The following CPNE3 variants were observed in gnomAD, a reference collection of about 807,000 sequenced individuals.
The protein encoded by CPNE3 is copine-3.
Under a neutral mutation model 63.9 loss-of-function variants are expected in CPNE3, and 68 were observed. The observed-to-expected ratio is 1.06, with a 90% CI of 0.87 to 1.30. The LOEUF (loss-of-function observed/expected upper bound fraction) is 1.30, where lower values mean the gene tolerates loss of function less well. Ranked by LOEUF, CPNE3 falls within the 50% of genes most tolerant of loss-of-function variation. The pLI, the probability that CPNE3 is intolerant of heterozygous loss-of-function variation, is 0.00. For missense variants in CPNE3, 665 were observed against 578.1 expected, an observed-to-expected ratio of 1.15 and a Z score of -1.54; for synonymous variants, 219 against 197.5, an observed-to-expected ratio of 1.11 and a Z score of -0.91.
intron 8 of CPNE3, among the ~76,000 whole-genome samples, chr8:86,541,276 G>C (rs566534612): frequency 5.9e-4 from 90 of 152,242 alleles, no homozygotes; most frequent in Non-Finnish European, 9.0e-4. Flanking sequence ...TTGCTTATTA[G>C]TAGGAAGCTT....
chr8:86,524,562 A>G (rs1245443804), intron 2 of CPNE3: 1 of 152,158 alleles, frequency 6.6e-6, no homozygotes, highest in Non-Finnish European at 1.5e-5. Context: ...TTTAAGGAGT[A>G]AAATACTACA....
chr8:86,527,946 A>ATTTTTTTTTTTTTTTTTTTTTTTTT lies in CPNE3; in HGVS notation c.-10-589_-10-565dup, dbSNP rs869225401. On this transcript the variant is annotated intron_variant, in intron 2 of 16. Transcript: ENST00000517490. ...AAATTTATAGTTAAGGTAAAAAGAAATTTTTTTTTTTTTTTTTTTTTTTTT... is the reference window on the plus strand; with the variant it reads ...AAATTTATAGTTAAGGTAAAAAGAAATTTTTTTTTTTTTTTTTTTTTTTTTTTTTTTTTTTTTTTTTTTTTTTTTT... 3.5e-4 allele frequency among the ~76,000 whole-genome samples: 30 copies of ATTTTTTTTTTTTTTTTTTTTTTTTT among 85,964 alleles called. 6 individuals carry two copies. The highest frequency in any genetic ancestry group is 1.7e-3 in the African/African-American group (30 of 17,648). 56.4% of individuals were successfully genotyped at this position (85,964 alleles called of 152,430 possible). A position where few individuals can be genotyped will look rare whatever the true frequency, so the allele number is the denominator to read the frequency against.
chr8:86,540,149 A>G, intron 7 of CPNE3, 96 bp from the exon 8 acceptor site: 1 of 740,140 alleles, frequency 1.4e-6, no homozygotes, highest in Non-Finnish European at 2.5e-6. Context: ...TGGAGGACGA[A>G]TGGTGAGAGT....
intron 16 of CPNE3, among the ~76,000 whole-genome samples, chr8:86,557,467 T>G (rs1290121004): frequency 2.0e-5 from 3 of 152,208 alleles, no homozygotes; most frequent in Non-Finnish European, 4.4e-5. Context: ...ACATAAGTTT[T>G]TATTCCTCTG....
At chr8:86,519,362 G>A (rs921662431) in intron 2 of CPNE3, among the ~76,000 whole-genome samples, 2 of 152,156 alleles carry the variant, frequency 1.3e-5, no homozygotes, top group African/African-American at 4.8e-5. Context: ...TATTTTTGAA[G>A]TTAGAGTGAT....
intron 6 of CPNE3, among the ~76,000 whole-genome samples, chr8:86,534,529 GCCAGTAGTC>G (rs1463049355): frequency 6.6e-6 from 1 of 152,070 alleles, no homozygotes; most frequent in Non-Finnish European, 1.5e-5. Flanking sequence ...GGTGGTGCGT[GCCAGTAGTC>G]CCAGCTACTT....
chr8:86,528,718 C>T, intron 3 of CPNE3, 41 bp downstream of exon 3: 11 of 1,562,650 alleles, frequency 7.0e-6, no homozygotes, highest in Non-Finnish European at 9.5e-6. Context: ...TCTGAATTAC[C>T]CTTTTAACAA....
intron 8 of CPNE3, among the ~76,000 whole-genome samples, chr8:86,540,809 T>C (rs1407138544): frequency 2.0e-5 from 3 of 152,286 alleles, no homozygotes; most frequent in African/African-American, 7.2e-5. Context: ...AAGTAATTAA[T>C]TGAAAGCTTT....
chr8:86,536,879 A>G (rs1820814561), intron 6 of CPNE3, among the ~76,000 whole-genome samples: 1 of 152,154 alleles, frequency 6.6e-6, no homozygotes, highest in African/African-American at 2.4e-5. Flanking sequence ...GAGGATGGTG[A>G]TAACGGTATT....
Position 86,544,774 on chromosome 8 carries a change from A to T in CPNE3, c.668A>T (p.His223Leu), listed in dbSNP as rs1433701226. 2 of 1,576,392 alleles carry T rather than the reference A, an allele frequency of 1.3e-6. No homozygotes were observed. The highest frequency in any genetic ancestry group is 3.6e-5 in the Admixed American group (2 of 56,056). Residue 223 changes from histidine to leucine, a missense_variant, in exon 9 of 17, where the codon CAT becomes CTT. His to Leu is a moderately conservative substitution (Grantham distance 99, BLOSUM62 -3). Coordinates refer to ENST00000517490, the MANE Select transcript of CPNE3 (RefSeq NM_003909.5). ...ECYDYDNDGS[H>L]DLIGTFQTTM... ...TATGATTATGACAATGATGGGTCAC[A>T]TGATCTCATTGGAACATTTCAGACC...
chr8:86,556,560 C>T (rs986868436), intron 16 of CPNE3, among the ~76,000 whole-genome samples: 4 of 152,222 alleles, frequency 2.6e-5, no homozygotes, highest in African/African-American at 9.6e-5. Context: ...AGTATTGTGA[C>T]TCTCTCAAGT....
At chr8:86,539,660 G>GTTTTTTTTTTTTT in intron 7 of CPNE3, among the ~76,000 whole-genome samples, 1 of 108,152 alleles carries the variant, frequency 9.2e-6, no homozygotes, top group Non-Finnish European at 1.8e-5. Context: ...ATCCTCCGCA[G>GTTTTTTTTTTTTT]TTTTTTTTTT....
intron 7 of CPNE3, among the ~76,000 whole-genome samples, chr8:86,539,121 A>G (rs1395568810): frequency 1.3e-5 from 2 of 152,114 alleles, no homozygotes; most frequent in Admixed American, 6.6e-5. Context: ...TTATAAATTC[A>G]TGGATTGTTA....
At chr8:86,515,834 G>T (rs529981201) in intron 2 of CPNE3, among the ~76,000 whole-genome samples, 3 of 152,198 alleles carry the variant, frequency 2.0e-5, no homozygotes, top group Non-Finnish European at 4.4e-5. Context: ...ATAAGGGTCA[G>T]CAAACTAGCT....
intron 12 of CPNE3, among the ~76,000 whole-genome samples, chr8:86,550,838 A>C (rs2131492304): frequency 6.6e-6 from 1 of 152,310 alleles, no homozygotes; most frequent in South Asian, 2.1e-4. Context: ...TATAGAAAGA[A>C]ACATTTTTCT....
chr8:86,544,964 G>T (rs115618377), intron 9 of CPNE3, 126 bp downstream of exon 9: 1 of 444,516 alleles, frequency 2.2e-6, no homozygotes, highest in Non-Finnish European at 3.9e-6. Context: ...ATAATGCTCC[G>T]AAATGTTTAG....
chr8:86,532,635 G>A (rs548231374), intron 6 of CPNE3, 55 bp downstream of exon 6: 1 of 1,477,350 alleles, frequency 6.8e-7, no homozygotes, highest in East Asian at 2.3e-5. Flanking sequence ...TCTTTTTTAA[G>A]AAAATAAAAA....
intron 12 of CPNE3, among the ~76,000 whole-genome samples, chr8:86,550,163 T>C (rs1821142584): frequency 6.6e-6 from 1 of 152,262 alleles, no homozygotes; most frequent in Non-Finnish European, 1.5e-5. Context: ...TGCAGCTTTT[T>C]TGTGTTCATA....
At chr8:86,527,322 T>C (rs968729647) in intron 2 of CPNE3, among the ~76,000 whole-genome samples, 1 of 152,168 alleles carries the variant, frequency 6.6e-6, no homozygotes, top group Non-Finnish European at 1.5e-5. Flanking sequence ...TGGTGACACC[T>C]GCAGCCCCTT....
Sources: gnomAD v4.1 joint callset for allele counts (sites outside exome capture counted in the v4.1 genomes callset) on GRCh38, gnomAD v4.1.1 for gene constraint, MANE v1.5 for transcripts, NCBI Gene and HGNC (gene_info 2026-07-23, HGNC 2026-07-21) for gene names.